The following FAM120B variants were observed in gnomAD, a reference collection of about 807,000 sequenced individuals.
FAM120B encodes family with sequence similarity 120 member B, also known as constitutive coactivator of peroxisome proliferator-activated receptor gamma.
A neutral mutation model predicts 96.3 loss-of-function variants in FAM120B; 83 were observed. That is an observed-to-expected ratio of 0.86 (90% CI 0.72 to 1.03). FAM120B has a LOEUF of 1.03. Ranked by LOEUF, FAM120B falls within the 50% of genes least tolerant of loss-of-function variation. The pLI is 0.00. For missense variants in FAM120B, 1,027 were observed against 1,121.2 expected, an observed-to-expected ratio of 0.92 and a Z score of 1.20; for synonymous variants, 407 against 402.7, an observed-to-expected ratio of 1.01 and a Z score of -0.13.
intron 6 of FAM120B, among the ~76,000 whole-genome samples, chr6:170,358,593 T>C (rs905970733): frequency 1.3e-5 from 2 of 152,270 alleles, no homozygotes; most frequent in African/African-American, 4.8e-5. Context: ...GAATAGGTTA[T>C]GTGGTTCTCT....
chr6:170,401,942 A>T (rs916574269), intron 9 of FAM120B, among the ~76,000 whole-genome samples: 1 of 92,292 alleles, frequency 1.1e-5, no homozygotes, highest in African/African-American at 3.9e-5. Context: ...CTTTGGATGC[A>T]TGAGTGGCCA....
intron 6 of FAM120B, among the ~76,000 whole-genome samples, chr6:170,364,823 G>A (rs1023580384): frequency 4.6e-5 from 7 of 152,176 alleles, no homozygotes; most frequent in Non-Finnish European, 7.3e-5. Context: ...CTGTGGTGGC[G>A]TTTTCATTTC....
intron 9 of FAM120B, among the ~76,000 whole-genome samples, chr6:170,399,769 T>A (rs1778443321): frequency 6.7e-6 from 1 of 149,540 alleles, no homozygotes. Flanking sequence ...GGTAGAACTA[T>A]GTCATAACCC....
chr6:170,399,219 G>A (rs1423040854), intron 9 of FAM120B, among the ~76,000 whole-genome samples: 4 of 147,168 alleles, frequency 2.7e-5, no homozygotes, highest in Admixed American at 6.7e-5. Flanking sequence ...GGGAAAGGTA[G>A]AACTATGTCA....
intron 1 of FAM120B, among the ~76,000 whole-genome samples, chr6:170,310,093 T>C (rs559124508): frequency 1.2e-4 from 19 of 152,362 alleles, no homozygotes; most frequent in African/African-American, 3.6e-4. Flanking sequence ...CCAAAGTTTC[T>C]ATATTTTTCT....
intron 6 of FAM120B, among the ~76,000 whole-genome samples, chr6:170,375,051 T>C (rs1363024236): frequency 6.6e-6 from 1 of 152,246 alleles, no homozygotes; most frequent in Admixed American, 6.5e-5. Flanking sequence ...CATCACCTGC[T>C]TTCAGCCCCT....
At chr6:170,398,478 G>C (rs1241858097) in intron 9 of FAM120B, among the ~76,000 whole-genome samples, 1 of 151,920 alleles carries the variant, frequency 6.6e-6, no homozygotes, top group Non-Finnish European at 1.5e-5. Flanking sequence ...GAGTGGGGAA[G>C]GTAGAACTAT....
intron 6 of FAM120B, among the ~76,000 whole-genome samples, chr6:170,377,995 G>A (rs1286393802): frequency 6.7e-6 from 1 of 149,396 alleles, no homozygotes; most frequent in Non-Finnish European, 1.5e-5. Flanking sequence ...GAAACCAAAA[G>A]GGAAATGTTT....
In FAM120B at chr6:170,318,251, A is replaced by G. The variant is rs1353627332; in HGVS notation, c.861A>G (p.Ile287Met). ...AAGGTGAGAAAAAATTAGAAGAGAT[A>G]TTACCTCTGGGACCAAACAAAGCTC... The part of the protein sequence containing the change: ...LYQGEKKLEE[I>M]LPLGPNKALF... The change falls in exon 2 of 11, where the codon ATA becomes ATG. Residue 287 changes from isoleucine (I) to methionine (M), a missense_variant. Coordinates refer to ENST00000476287, the MANE Select transcript of FAM120B (RefSeq NM_032448.3). 3 of 1,613,856 alleles carry G rather than the reference A, an allele frequency of 1.9e-6. No individual in the cohort carries two copies. Among genetic ancestry groups the G allele is most frequent in the Admixed American group, 1.7e-5 (1 of 59,948 alleles).
intron 6 of FAM120B, among the ~76,000 whole-genome samples, chr6:170,368,801 C>T (rs1206047638): frequency 8.9e-6 from 1 of 112,322 alleles, no homozygotes; most frequent in Admixed American, 1.0e-4. Flanking sequence ...GTGCCAGCAG[C>T]TCTGCTGTCT....
At chr6:170,365,128 G>C (rs1232599413) in intron 6 of FAM120B, among the ~76,000 whole-genome samples, 2 of 152,228 alleles carry the variant, frequency 1.3e-5, no homozygotes, top group Non-Finnish European at 2.9e-5. Flanking sequence ...GCCATCTCCT[G>C]TCTCCTACAG....
chr6:170,361,337 A>T (rs537119969), intron 6 of FAM120B, among the ~76,000 whole-genome samples: 1 of 150,806 alleles, frequency 6.6e-6, no homozygotes, highest in South Asian at 2.1e-4. Flanking sequence ...ATATTTATGT[A>T]TATACACATT....
At chr6:170,369,826 G>A (rs1280533885) in intron 6 of FAM120B, among the ~76,000 whole-genome samples, 1 of 151,908 alleles carries the variant, frequency 6.6e-6, no homozygotes, top group African/African-American at 2.4e-5. Flanking sequence ...TGGAAACTGA[G>A]TCTTTTATAA....
chr6:170,361,182 CTATATATATATACGTGTATATA>C (rs1302224940), intron 6 of FAM120B, among the ~76,000 whole-genome samples: 4 of 75,520 alleles, frequency 5.3e-5, no homozygotes, highest in Non-Finnish European at 9.6e-5. Flanking sequence ...AGCCTTAAAA[CTATATATATATACGTGTATATA>C]TATATATATA....
intron 2 of FAM120B, among the ~76,000 whole-genome samples, chr6:170,321,966 GC>G (rs1349681737): frequency 6.6e-6 from 1 of 152,212 alleles, no homozygotes; most frequent in African/African-American, 2.4e-5. Flanking sequence ...ACATTTTAAT[GC>G]CTTTAGTAGT....
At chr6:170,329,714 T>C (rs889333059) in intron 3 of FAM120B, among the ~76,000 whole-genome samples, 14 of 152,290 alleles carry the variant, frequency 9.2e-5, no homozygotes, top group Admixed American at 3.9e-4. Flanking sequence ...CCTGGACTGA[T>C]ACTCTCTTTC....
At chr6:170,308,480 T>C (rs1348900885) in intron 1 of FAM120B, among the ~76,000 whole-genome samples, 3 of 152,004 alleles carry the variant, frequency 2.0e-5, no homozygotes, top group Non-Finnish European at 4.4e-5. Context: ...TGGGGTAACG[T>C]AGTTTTTAGC....
chr6:170,339,823 CTT>C (rs886403087), intron 4 of FAM120B, among the ~76,000 whole-genome samples: 1 of 151,502 alleles, frequency 6.6e-6, no homozygotes, highest in Non-Finnish European at 1.5e-5. Flanking sequence ...GCCCCCCACT[CTT>C]TTGCGGCTTG....
At chr6:170,378,833 C>A (rs1042834690) in intron 6 of FAM120B, among the ~76,000 whole-genome samples, 1 of 152,170 alleles carries the variant, frequency 6.6e-6, no homozygotes, top group Non-Finnish European at 1.5e-5. Flanking sequence ...TTTATTTGGC[C>A]ACATTAAAAA....
Sources: gnomAD v4.1 joint callset for allele counts (sites outside exome capture counted in the v4.1 genomes callset) on GRCh38, gnomAD v4.1.1 for gene constraint, MANE v1.5 for transcripts, NCBI Gene and HGNC (gene_info 2026-07-23, HGNC 2026-07-21) for gene names.